The following ATRN variants were observed in gnomAD, a reference collection of about 807,000 sequenced individuals.
ATRN encodes attractin-2.
Under a neutral mutation model 178.7 loss-of-function variants are expected in ATRN, and 54 were observed. That is an observed-to-expected ratio of 0.30 (90% confidence interval 0.24 to 0.38). The LOEUF (loss-of-function observed/expected upper bound fraction) is 0.38. Ranked by LOEUF, ATRN falls within the 10% of genes least tolerant of loss-of-function variation. ATRN has a pLI of 1.00. For synonymous variants in ATRN, 636 were observed against 663.0 expected (o/e 0.96, Z 0.63); for missense variants, 1,443 against 1,815.1 (o/e 0.79, Z 3.73).
At chr20:3,563,736 T>C (rs959737522) in intron 10 of ATRN, among the ~76,000 whole-genome samples, 1 of 152,210 alleles carries the variant, frequency 6.6e-6, no homozygotes, top group Non-Finnish European at 1.5e-5. Context: ...GTTTCTCACA[T>C]GGTCTTGGTG....
At chr20:3,479,249 A>G (rs2084582643) in intron 1 of ATRN, among the ~76,000 whole-genome samples, 1 of 152,200 alleles carries the variant, frequency 6.6e-6, no homozygotes, top group Admixed American at 6.5e-5. Flanking sequence ...TATCTGCTGA[A>G]TATTGTGTGT....
Position 3,575,813 on chromosome 20 carries a change from T to G in ATRN, c.2093-14T>G. On this transcript the variant is annotated splice_polypyrimidine_tract_variant and intron_variant, in intron 12 of 28. Coordinates refer to ENST00000262919, the MANE Select transcript of ATRN (RefSeq NM_139321.3). ...GAAGTTGTCCCAGTTCATGAGATTT[T>G]GTTTTCTTTGCAGCTCTTGACCATG... 3 of 1,599,166 alleles carry G rather than the reference T, an allele frequency of 1.9e-6. No homozygotes were observed. The highest frequency in any genetic ancestry group is 2.3e-5 in the South Asian group (2 of 87,338).
At chr20:3,622,597 G>A (rs1284942595) in intron 24 of ATRN, among the ~76,000 whole-genome samples, 2 of 152,228 alleles carry the variant, frequency 1.3e-5, no homozygotes, top group Non-Finnish European at 2.9e-5. Context: ...TCAGTCAAAG[G>A]TTGACCAACA....
chr20:3,493,532 C>T (rs921123986), intron 1 of ATRN, among the ~76,000 whole-genome samples: 8 of 152,068 alleles, frequency 5.3e-5, no homozygotes, highest in South Asian at 2.1e-4. Context: ...TGGCCTCAAG[C>T]GATCCTCCCA....
chr20:3,593,840 C>T (rs777993041), intron 19 of ATRN, among the ~76,000 whole-genome samples: 3 of 152,158 alleles, frequency 2.0e-5, no homozygotes, highest in East Asian at 1.9e-4. Context: ...ATATTTATCA[C>T]GGCTTGTATT....
At chr20:3,594,853 T>C (rs924085217) in intron 20 of ATRN, among the ~76,000 whole-genome samples, 1 of 152,204 alleles carries the variant, frequency 6.6e-6, no homozygotes, top group Non-Finnish European at 1.5e-5. Context: ...GAGTAGTCAT[T>C]TTAACTTCAG....
chr20:3,575,965 T>TA lies in ATRN; in HGVS notation c.2214+20dup. 2 of 1,610,922 alleles carry TA rather than the reference T, an allele frequency of 1.2e-6. No individual in the cohort carries two copies. Among genetic ancestry groups the TA allele is most frequent in the Non-Finnish European group, 1.7e-6 (2 of 1,178,910 alleles). On this transcript the variant is annotated intron_variant, in intron 13 of 28. Coordinates refer to ENST00000262919, the MANE Select transcript of ATRN (RefSeq NM_139321.3). Reference sequence around the variant, plus strand: ...GAAGGCCAGGTCAGAGGCTGTTTCTTAAAGATTTCAGAAAAATCCCAATTT... The same window carrying TA: ...GAAGGCCAGGTCAGAGGCTGTTTCTTAAAAGATTTCAGAAAAATCCCAATTT...
At chr20:3,566,919 A>AAT (rs2086044643) in intron 11 of ATRN, among the ~76,000 whole-genome samples, 1 of 151,598 alleles carries the variant, frequency 6.6e-6, no homozygotes, top group African/African-American at 2.4e-5. Flanking sequence ...AAAAAAAAAA[A>AAT]AAAAAGGAAA....
At chr20:3,490,123 A>T in intron 1 of ATRN, 6 of 1,478,536 alleles carry the variant, frequency 4.1e-6, no homozygotes, top group Non-Finnish European at 5.7e-6. Context: ...TTGGCAAACA[A>T]AGAGTTATCA....
chr20:3,594,446 G>A (rs889747580), intron 19 of ATRN, 33 bp from the exon 20 acceptor site: 1 of 1,559,620 alleles, frequency 6.4e-7, no homozygotes, highest in Non-Finnish European at 8.7e-7. Flanking sequence ...TTTTAAGCCA[G>A]TTGTGACCTC....
chr20:3,472,604 G>A (rs1352779444), intron 1 of ATRN, among the ~76,000 whole-genome samples: 1 of 152,216 alleles, frequency 6.6e-6, no homozygotes, highest in Non-Finnish European at 1.5e-5. Flanking sequence ...AGCGTGGTCT[G>A]ATAGAGAATT....
At chr20:3,644,348 A>G (rs1206792197) in intron 28 of ATRN, 80 bp downstream of exon 28, 30 of 1,239,880 alleles carry the variant, frequency 2.4e-5, no homozygotes, top group Admixed American at 7.6e-5. Flanking sequence ...TTTCCTAGAG[A>G]ACAAGGTTAT....
At chr20:3,471,873 A>T (rs1282046446) in intron 1 of ATRN, among the ~76,000 whole-genome samples, 4 of 152,216 alleles carry the variant, frequency 2.6e-5, no homozygotes, top group African/African-American at 9.6e-5. Flanking sequence ...TGGTCGAGCC[A>T]GGTTTGCTTG....
chr20:3,607,470 CAT>C (rs1328388170), intron 24 of ATRN, among the ~76,000 whole-genome samples: 1 of 152,168 alleles, frequency 6.6e-6, no homozygotes, highest in East Asian at 1.9e-4. Flanking sequence ...AGTGAGAAAA[CAT>C]ATCTATCTTT....
intron 1 of ATRN, among the ~76,000 whole-genome samples, chr20:3,497,710 C>G (rs1215167889): frequency 6.6e-6 from 1 of 152,030 alleles, no homozygotes; most frequent in Non-Finnish European, 1.5e-5. Context: ...TGTTGGCCTG[C>G]CTTGCTAGAT....
At chr20:3,619,360 A>G (rs894852725) in intron 24 of ATRN, among the ~76,000 whole-genome samples, 1 of 152,242 alleles carries the variant, frequency 6.6e-6, no homozygotes, top group Admixed American at 6.5e-5. Context: ...TTACCTTCTG[A>G]AAAGGAAACT....
chr20:3,588,981 GTTTTTTTTT>G (rs386393128), intron 18 of ATRN, among the ~76,000 whole-genome samples: 4 of 99,774 alleles, frequency 4.0e-5, no homozygotes, highest in Non-Finnish European at 5.5e-5. Context: ...ATTTTCTTTT[GTTTTTTTTT>G]TTTTTTTTTT....
chr20:3,496,003 G>C (rs1265391250), intron 1 of ATRN, among the ~76,000 whole-genome samples: 1 of 152,048 alleles, frequency 6.6e-6, no homozygotes, highest in Non-Finnish European at 1.5e-5. Context: ...ATTACATTTA[G>C]AACCATGCCA....
Position 3,648,623 on chromosome 20 carries a change from AAAGATGTTTTC to A in ATRN, c.*1780_*1790del. ...CCCACTCCCATGAAGAATTGCCTGGAAAGATGTTTTCAAGGAATTTGAACCATAAAACACTA... is the reference window on the plus strand; with the variant it reads ...CCCACTCCCATGAAGAATTGCCTGGAAAGGAATTTGAACCATAAAACACTA... On this transcript the variant is annotated 3_prime_UTR_variant, in exon 29 of 29. Transcript: ENST00000262919. The A allele has an allele frequency of 6.6e-6, 1 of 152,378 alleles. No homozygotes were observed. The highest frequency in any genetic ancestry group is 3.4e-3 in the Middle Eastern group (1 of 294). 9.4% of individuals were successfully genotyped at this position (152,378 alleles called of 1,614,324 possible). A position where few individuals can be genotyped will look rare whatever the true frequency, so the allele number is the denominator to read the frequency against.
Sources: allele counts gnomAD v4.1 joint callset (sites outside exome capture counted in the v4.1 genomes callset), GRCh38; gene constraint gnomAD v4.1.1; transcripts MANE v1.5; gene names NCBI Gene and HGNC (gene_info 2026-07-23, HGNC 2026-07-21).